NEB: variants seen among roughly 807,000 people sequenced by gnomAD.
NEB encodes the protein nemaline myopathy type 2.
Under a neutral mutation model 952.2 loss-of-function variants are expected in NEB, and 512 were observed. That is an observed-to-expected ratio of 0.54 (90% confidence interval 0.50 to 0.58). The LOEUF (loss-of-function observed/expected upper bound fraction) is 0.58, where lower values mean the gene tolerates loss of function less well. Ranked by LOEUF, NEB falls within the 20% of genes least tolerant of loss-of-function variation. The pLI is 0.00. For synonymous variants in NEB, 2,900 were observed against 3,149.8 expected (o/e 0.92, Z 2.66); for missense variants, 8,428 against 9,231.1 (o/e 0.91, Z 3.56).
At position 151,630,805 on chromosome 2, in the gene NEB, C is replaced by T; in HGVS notation, c.9633G>A (p.Glu3211=). 1.2e-6 allele frequency: 2 copies of T among 1,608,562 alleles called. No homozygotes were observed. Among genetic ancestry groups the T allele is most frequent in the South Asian group, 2.2e-5 (2 of 90,154 alleles). ...TTTGAGTCTTGTCTTTGTCCCAGGC[C>T]TCTGTGTATAAACGCTATAAAAGAA... ...ALNMNKRLYT[E]AWDKDKTQIH... Residue 3211 remains glutamate (E), a synonymous_variant, in exon 67 of 182, where the codon GAG becomes GAA. Coordinates refer to ENST00000397345, the MANE Select transcript of NEB (RefSeq NM_001164508.2).
chr2:151,619,564 A>G lies in NEB; in HGVS notation c.10759T>C (p.Cys3587Arg), dbSNP rs781579056. ...TCCACATCGCTGACCAAGGTCTGAC[A>G]CTTCTTGGCCAAAACGATACCAAGC... ...DMLGIVLAKK[C>R]QTLVSDVDYK... Residue 3587 changes from cysteine (C) to arginine (R), a missense_variant, in exon 73 of 182, where the codon TGT becomes CGT. By Grantham distance (180) the Cys-to-Arg change is radical. Around this residue, in one of 11 missense-constraint regions of NEB, gnomAD observed 1,772 missense variants for 1,960.3 expected, o/e 0.90. Coordinates refer to ENST00000397345, the MANE Select transcript of NEB (RefSeq NM_001164508.2). 8.7e-6 allele frequency: 14 copies of G among 1,613,828 alleles called. No individual in the cohort carries two copies. The highest frequency in any genetic ancestry group is 8.5e-7 in the Non-Finnish European group (1 of 1,179,870).
chr2:151,551,048 AC>A (rs1302028372), intron 129 of NEB, among the ~76,000 whole-genome samples: 9 of 149,136 alleles, frequency 6.0e-5, no homozygotes, highest in African/African-American at 2.2e-4. Flanking sequence ...GCTCACTGCA[AC>A]CTCCGCCCCC....
chr2:151,707,035 G>A, intron 12 of NEB, 38 bp from the exon 13 acceptor site: 1 of 1,330,094 alleles, frequency 7.5e-7, no homozygotes, highest in Non-Finnish European at 1.0e-6. Flanking sequence ...TAACTCTATG[G>A]GTTATTTTTG....
intron 28 of NEB, among the ~76,000 whole-genome samples, chr2:151,684,570 C>A (rs1301635112): frequency 6.6e-6 from 1 of 152,152 alleles, no homozygotes; most frequent in Admixed American, 6.5e-5. Context: ...TGACATATTT[C>A]CCAGAGGGAA....
In NEB at chr2:151,614,333, G is replaced by C. The variant is rs1199944476; in HGVS notation, c.11544C>G (p.Cys3848Trp). Residue 3848 changes from cysteine (C) to tryptophan (W), a missense_variant, in exon 77 of 182, where the codon TGC (cysteine) becomes TGG (tryptophan). Coordinates refer to ENST00000397345, the MANE Select transcript of NEB (RefSeq NM_001164508.2). ...GAATGACGTCATTCTGATCAGGCAG[G>C]CAGGTCCATTCATGCAGGGGATGCT... is the stretch of plus-strand genomic sequence containing the variant. ...DYKHPLHEWT[C>W]LPDQNDVIQA... 8.7e-6 allele frequency: 14 copies of C among 1,613,788 alleles called. No homozygotes were observed. The highest frequency in any genetic ancestry group is 1.2e-5 in the Non-Finnish European group (14 of 1,179,852).
In NEB at chr2:151,677,987, G is replaced by C. The variant is rs1020491664; in HGVS notation, c.3456C>G (p.Ala1152=). 1.2e-6 allele frequency: 2 copies of C among 1,613,914 alleles called. No homozygotes were observed. Among genetic ancestry groups the C allele is most frequent in the Middle Eastern group, 1.6e-4 (1 of 6,062 alleles). ...AGTTGACATTGCTGACCACATCCTG[G>C]GCTTTCTTAGCCGCCACGACATTGA... ...DMFNVVAAKK[A]QDVVSNVNYK... The change falls in exon 33 of 182, where the codon GCC becomes GCG. Residue 1152 remains alanine (A), a synonymous_variant. Coordinates refer to ENST00000397345, the MANE Select transcript of NEB (RefSeq NM_001164508.2).
chr2:151,633,628 G>C, intron 65 of NEB, 26 bp downstream of exon 65: 1 of 1,591,090 alleles, frequency 6.3e-7, no homozygotes, highest in Non-Finnish European at 8.6e-7. Context: ...TCTATGCACA[G>C]CTCCATTTAT....
chr2:151,711,828 T>C (rs191576710), intron 10 of NEB, among the ~76,000 whole-genome samples: 4 of 152,318 alleles, frequency 2.6e-5, no homozygotes, highest in Admixed American at 1.3e-4. Flanking sequence ...ATTGTCATCA[T>C]CATAACAGAA....
Position 151,678,145 on chromosome 2 carries a change from C to T in NEB, c.3298G>A (p.Val1100Ile). ...TCATCTTGAAGACTTTGGAAGCCAACCATTTTCCCTTTAGCCTTTTCATAG... is the reference window on the plus strand; with the variant it reads ...TCATCTTGAAGACTTTGGAAGCCAATCATTTTCCCTTTAGCCTTTTCATAG... ...KDYEKAKGKM[V>I]GFQSLQDDPK... The change falls in exon 33 of 182, where the codon GTT (valine) becomes ATT (isoleucine). Residue 1100 changes from valine to isoleucine, a missense_variant. Transcript: ENST00000397345. The T allele has an allele frequency of 2.5e-6, 4 of 1,612,804 alleles. No individual in the cohort carries two copies. The highest frequency in any genetic ancestry group is 3.4e-6 in the Non-Finnish European group (4 of 1,179,258).
chr2:151,658,494 T>G (rs1374162439), intron 47 of NEB, among the ~76,000 whole-genome samples: 1 of 150,386 alleles, frequency 6.6e-6, no homozygotes, highest in Admixed American at 6.6e-5. Context: ...AATCTACAAT[T>G]AAAAAAAAAG....
At chr2:151,526,399 G>A (rs575741197) in intron 148 of NEB, 137 bp from the exon 149 acceptor site, 2 of 682,670 alleles carry the variant, frequency 2.9e-6, no homozygotes, top group East Asian at 2.7e-5. Context: ...CAAATTTTGG[G>A]AAATATTCAA....
chr2:151,692,666 A>G (rs2149188775), intron 20 of NEB, among the ~76,000 whole-genome samples: 1 of 152,244 alleles, frequency 6.6e-6, no homozygotes, highest in South Asian at 2.1e-4. Context: ...TCATTTGAAT[A>G]TGTTTAAAGA....
chr2:151,643,778 A>G, intron 57 of NEB, 40 bp downstream of exon 57: 3 of 1,596,488 alleles, frequency 1.9e-6, no homozygotes, highest in Non-Finnish European at 2.6e-6. Flanking sequence ...TAAAAAGCAG[A>G]CATAATGTTT....
At chr2:151,525,809 T>C in intron 150 of NEB, 149 bp downstream of exon 150, 2 of 736,424 alleles carry the variant, frequency 2.7e-6, no homozygotes, top group South Asian at 3.1e-5. Context: ...CTGGGTCATT[T>C]TAAAAGTCAG....
In NEB at chr2:151,626,995, G is replaced by A. The variant is rs1393517827; in HGVS notation, c.10347+7C>T. Reference sequence around the variant, plus strand: ...CTGTCTTATTTTCCTACAAATTGGGGGCTCACCTTGTTCATATTGAGAGCA... The same window carrying A: ...CTGTCTTATTTTCCTACAAATTGGGAGCTCACCTTGTTCATATTGAGAGCA... On this transcript the variant is annotated splice_region_variant and intron_variant, in intron 70 of 181. Transcript: ENST00000397345. 1.9e-6 allele frequency: 3 copies of A among 1,613,358 alleles called. No homozygotes were observed.
intron 51 of NEB, among the ~76,000 whole-genome samples, chr2:151,654,339 T>C (rs1425726083): frequency 2.0e-5 from 3 of 152,218 alleles, no homozygotes; most frequent in African/African-American, 7.2e-5. Context: ...TATTTTATCA[T>C]AGCTTCTGCT....
rs2098818245 is a variant in NEB at position 151,639,363 on chromosome 2, C to T, written c.8911G>A (p.Asp2971Asn). Reference sequence around the variant, plus strand: ...ATGTGGATCTGAGTCTTGTCTTTGTCCCAGGCTTCTGTGTATAAACGCTAT... The same window carrying T: ...ATGTGGATCTGAGTCTTGTCTTTGTTCCAGGCTTCTGTGTATAAACGCTAT... ...MNKRLYTEAW[D>N]KDKTQIHIMP... Residue 2971 changes from aspartate to asparagine, a missense_variant, in exon 63 of 182, where the codon GAC becomes AAC. Asp to Asn is a conservative substitution (Grantham distance 23). This residue lies in a region of NEB where 1,772 missense variants were observed against 1,960.3 expected (regional missense o/e 0.90). Transcript: ENST00000397345. 1.3e-6 allele frequency: 2 copies of T among 1,545,176 alleles called. No individual in the cohort carries two copies. The highest frequency in any genetic ancestry group is 2.4e-5 in the East Asian group (1 of 41,442).
Position 151,646,215 on chromosome 2 carries a change from C to T in NEB, c.7451G>A (p.Trp2484Ter). The T allele has an allele frequency of 6.3e-7, 1 of 1,597,616 alleles. No homozygotes were observed. Among genetic ancestry groups the T allele is most frequent in the Non-Finnish European group, 8.5e-7 (1 of 1,171,012 alleles). Residue 2484 changes from tryptophan (W) to a stop codon, truncating the protein, a stop_gained, in exon 55 of 182, where the codon TGG becomes TAG. Coordinates refer to ENST00000397345, the MANE Select transcript of NEB (RefSeq NM_001164508.2). LOFTEE classifies it high-confidence loss of function. The part of the protein sequence containing the change: ...NRSDRLYREA[W>*]DKDKTQIHIM... ...GTGGATCTGAGTCTTGTCTTTGTCC[C>T]AAGCTTCTCTATAAAGTCTCTAAAA...
At chr2:151,625,419 TA>T in intron 71 of NEB, 114 bp downstream of exon 71, 2 of 699,536 alleles carry the variant, frequency 2.9e-6, no homozygotes, top group Non-Finnish European at 2.2e-6. Flanking sequence ...GTAAATGGCA[TA>T]AAAAGCCAAC....
Sources: allele counts gnomAD v4.1 joint callset (sites outside exome capture counted in the v4.1 genomes callset), GRCh38; gene constraint gnomAD v4.1.1; regional missense constraint gnomAD v4.1.1; transcripts MANE v1.5; gene names NCBI Gene and HGNC (gene_info 2026-07-23, HGNC 2026-07-21).